Variants in CTNNA3 observed in about 807,000 individuals in gnomAD.
CTNNA3 encodes catenin alpha 3, also known as catenin alpha-3.
A neutral mutation model predicts 95.7 loss-of-function variants in CTNNA3; 76 were observed. The ratio of observed to expected loss-of-function variants is 0.79; its 90% CI spans 0.66 to 0.96. The LOEUF (loss-of-function observed/expected upper bound fraction) is 0.96, where lower values mean the gene tolerates loss of function less well. Among genes scored for constraint, CTNNA3 ranks in the 40% least tolerant of loss-of-function variants. The probability of loss-of-function intolerance (pLI) is 0.00; values close to 1 mark genes in which losing one functional copy is unlikely to be tolerated. For missense variants in CTNNA3, 1,191 were observed against 1,089.8 expected, an observed-to-expected ratio of 1.09 and a Z score of -1.31; for synonymous variants, 431 against 374.4, an observed-to-expected ratio of 1.15 and a Z score of -1.74.
chr10:66,637,787 A>C (rs1845385741), intron 9 of CTNNA3, among the ~76,000 whole-genome samples: 1 of 152,140 alleles, frequency 6.6e-6, no homozygotes, highest in African/African-American at 2.4e-5. Flanking sequence ...ATAAAAGCCC[A>C]GTTCATTTTT....
chr10:67,155,529 A>ATGTGTGTGTG (rs142928094), intron 7 of CTNNA3, among the ~76,000 whole-genome samples: 1 of 24,746 alleles, frequency 4.0e-5, no homozygotes, highest in Admixed American at 2.7e-4. Flanking sequence ...GTATTAATAT[A>ATGTGTGTGTG]TGTGTGTGTG....
At chr10:66,663,001 T>G (rs547429231) in intron 9 of CTNNA3, among the ~76,000 whole-genome samples, 163 of 152,248 alleles carry the variant, frequency 1.1e-3, no homozygotes, top group African/African-American at 3.8e-3. Flanking sequence ...TTGACCCTTC[T>G]TCACTGAAAT....
intron 5 of CTNNA3, among the ~76,000 whole-genome samples, chr10:67,428,837 G>A (rs1399296976): frequency 6.6e-6 from 1 of 151,960 alleles, no homozygotes; most frequent in Non-Finnish European, 1.5e-5. Context: ...CTTGCTGGAT[G>A]CTTCCTGCCC....
chr10:67,278,288 G>T (rs1839264477), intron 5 of CTNNA3, among the ~76,000 whole-genome samples: 1 of 152,146 alleles, frequency 6.6e-6, no homozygotes, highest in Non-Finnish European at 1.5e-5. Flanking sequence ...GAGTGACCAT[G>T]GCCTGTGACA....
intron 5 of CTNNA3, among the ~76,000 whole-genome samples, chr10:67,288,514 AT>A (rs1228317788): frequency 2.0e-5 from 3 of 152,148 alleles, no homozygotes; most frequent in East Asian, 3.8e-4. Context: ...TTATCTGTGC[AT>A]TTTTTCTCTT....
intron 5 of CTNNA3, among the ~76,000 whole-genome samples, chr10:67,434,773 A>T (rs1846241556): frequency 6.6e-6 from 1 of 152,032 alleles, no homozygotes; most frequent in Non-Finnish European, 1.5e-5. Flanking sequence ...CATTTTTCTG[A>T]TAAGGAACCT....
At chr10:67,518,385 A>G (rs534935612) in intron 5 of CTNNA3, among the ~76,000 whole-genome samples, 5 of 152,166 alleles carry the variant, frequency 3.3e-5, no homozygotes, top group Non-Finnish European at 7.4e-5. Flanking sequence ...CATTCTAAAT[A>G]CGAAGTTATA....
chr10:66,059,051 CCAGA>C (rs2080142304), intron 15 of CTNNA3, among the ~76,000 whole-genome samples: 1 of 149,970 alleles, frequency 6.7e-6, no homozygotes, highest in Admixed American at 6.7e-5. Context: ...TGGCCCATTA[CCAGA>C]CAAATGATGT....
chr10:67,371,220 T>TTA (rs1341697347), intron 5 of CTNNA3, among the ~76,000 whole-genome samples: 12 of 151,502 alleles, frequency 7.9e-5, no homozygotes, highest in South Asian at 2.1e-4. Context: ...ATTTTTCTTT[T>TTA]TATATATACA....
intron 11 of CTNNA3, among the ~76,000 whole-genome samples, chr10:66,494,916 A>G (rs1840049732): frequency 6.6e-6 from 1 of 152,188 alleles, no homozygotes; most frequent in Non-Finnish European, 1.5e-5. Flanking sequence ...CCCAAGGCCA[A>G]ATAGTTGGTG....
intron 12 of CTNNA3, among the ~76,000 whole-genome samples, chr10:66,302,494 AGTT>A (rs1241918313): frequency 6.6e-6 from 1 of 152,126 alleles, no homozygotes; most frequent in Admixed American, 6.5e-5. Context: ...AACTGTGAAA[AGTT>A]GTCACATTTC....
At chr10:66,978,552 A>AAATAAAAAAAATAAAAAATATATATAT in intron 7 of CTNNA3, among the ~76,000 whole-genome samples, 1 of 37,866 alleles carries the variant, frequency 2.6e-5, no homozygotes, top group Non-Finnish European at 4.8e-5. Flanking sequence ...AAAAAAAAAA[A>AAATAAAAAAAATAAAAAATATATATAT]ATATATATAT....
chr10:66,730,802 A>T (rs1370194170), intron 9 of CTNNA3, among the ~76,000 whole-genome samples: 1 of 152,144 alleles, frequency 6.6e-6, no homozygotes, highest in Non-Finnish European at 1.5e-5. Context: ...TTGTTATGTG[A>T]GAAAAATACA....
At position 66,275,960 on chromosome 10, in the gene CTNNA3, C is replaced by G. The variant is rs533006336; in HGVS notation, c.1884+4510G>C. ...TTCATTCCTGTAGGTGAAATAGAATCAGACCCAAAGATTGGATTGTTATAT... is the reference window on the plus strand; with the variant it reads ...TTCATTCCTGTAGGTGAAATAGAATGAGACCCAAAGATTGGATTGTTATAT... On this transcript the variant is annotated intron_variant, in intron 13 of 17. Transcript: ENST00000433211. Among the ~76,000 whole-genome samples the G allele has an allele frequency of 5.3e-5, 8 of 152,220 alleles. 1 individual carries two copies. The South Asian group carries it at 1.7e-3, about 32-fold the overall frequency.
At chr10:66,560,245 A>C (rs1242180076) in intron 10 of CTNNA3, among the ~76,000 whole-genome samples, 1 of 152,048 alleles carries the variant, frequency 6.6e-6, no homozygotes, top group African/African-American at 2.4e-5. Flanking sequence ...CAGATTATTC[A>C]GGTTTTGAAT....
In CTNNA3 at chr10:66,525,862, T is replaced by C. The variant is rs141120688; in HGVS notation, c.1375-5089A>G. Among the ~76,000 whole-genome samples the C allele has an allele frequency of 1.2e-4, 19 of 152,304 alleles. No individual in the cohort carries two copies. The East Asian group carries it at 3.7e-3, about 29-fold the overall frequency. On this transcript the variant is annotated intron_variant, in intron 10 of 17. Transcript: ENST00000433211. ...TCTATTATACTTTCTACCTCTTTTG[T>C]TGACTATTCTAGATACTTCGTATAA...
intron 13 of CTNNA3, among the ~76,000 whole-genome samples, chr10:66,259,230 T>A (rs757542131): frequency 2.0e-5 from 3 of 152,018 alleles, no homozygotes; most frequent in Non-Finnish European, 2.9e-5. Context: ...CATGAACAAG[T>A]TTTTCATGAT....
chr10:66,420,281 G>A (rs534663083), intron 11 of CTNNA3, among the ~76,000 whole-genome samples: 15 of 152,152 alleles, frequency 9.9e-5, no homozygotes, highest in Non-Finnish European at 1.8e-4. Flanking sequence ...ATGGAAAAAT[G>A]CTCAACATCA....
intron 1 of CTNNA3, among the ~76,000 whole-genome samples, chr10:67,650,994 T>C (rs1839863712): frequency 6.6e-6 from 1 of 151,576 alleles, no homozygotes; most frequent in South Asian, 2.1e-4. Context: ...CACCACCCAC[T>C]CTAGAGCTCA....
Sources: allele counts gnomAD v4.1 joint callset (sites outside exome capture counted in the v4.1 genomes callset), GRCh38; gene constraint gnomAD v4.1.1; transcripts MANE v1.5; gene names NCBI Gene and HGNC (gene_info 2026-07-23, HGNC 2026-07-21).